The following WDR87 variants were observed in gnomAD, a reference collection of about 807,000 sequenced individuals.
WDR87 encodes the protein WD repeat domain 87.
A neutral mutation model predicts 83.3 loss-of-function variants in WDR87; 56 were observed. The observed-to-expected ratio is 0.67, with a 90% CI of 0.54 to 0.84. The LOEUF (loss-of-function observed/expected upper bound fraction) is 0.84. Ranked by LOEUF, WDR87 falls within the 40% of genes least tolerant of loss-of-function variation. WDR87 has a pLI of 0.00. For synonymous variants in WDR87, 1,173 were observed against 1,250.6 expected, an observed-to-expected ratio of 0.94 and a Z score of 1.31; for missense variants, 2,939 against 3,431.9, an observed-to-expected ratio of 0.86 and a Z score of 3.59.
In WDR87 at chr19:37,885,150, G is replaced by A. The variant is rs531892233; in HGVS notation, c.8521C>T (p.Arg2841Trp). The A allele has an allele frequency of 4.8e-5, 70 of 1,464,044 alleles. No homozygotes were observed. In the South Asian group the frequency reaches 7.6e-4, roughly 16 times the overall value. The allele number at this position is 1,464,044 out of a possible 1,614,324, so 90.7% of individuals were successfully genotyped here. ...CCACAAAACAGGCAGCAGAACAGCCGTTCCCCGGGAACTAGCTCTGTGGCT... is the reference window on the plus strand; with the variant it reads ...CCACAAAACAGGCAGCAGAACAGCCATTCCCCGGGAACTAGCTCTGTGGCT... ...LKATELVPGE[R>W]LFCCLFCGSS... Residue 2841 changes from arginine (R) to tryptophan (W), a missense_variant, in exon 6 of 6, where the codon CGG (arginine) becomes TGG (tryptophan). Arg to Trp is a moderately radical substitution (Grantham distance 101). Coordinates refer to ENST00000447313, the MANE Select transcript of WDR87 (RefSeq NM_001291088.2).
At position 37,888,992 on chromosome 19, in the gene WDR87, C is replaced by T. The variant is rs1209581956; in HGVS notation, c.4679G>A (p.Trp1560Ter). 1 of 1,551,854 alleles carries T rather than the reference C, an allele frequency of 6.4e-7. No homozygotes were observed. The highest frequency in any genetic ancestry group is 2.4e-5 in the East Asian group (1 of 40,922). ...QEDKKLKWEE[W>*]KQVWENMLSS... is the part of the protein sequence containing the mutation. Reference sequence around the variant, plus strand: ...TAACATATTTTCCCAGACTTGTTTCCACTCCTCCCATTTCAGCTTCTTGTC... The same window carrying T: ...TAACATATTTTCCCAGACTTGTTTCTACTCCTCCCATTTCAGCTTCTTGTC... The change falls in exon 6 of 6, where the codon TGG becomes TAG. Residue 1560 changes from tryptophan to a stop codon, truncating the protein, a stop_gained. Transcript: ENST00000447313. LOFTEE classifies it low-confidence loss of function (END_TRUNC).
rs1227815392 is a variant in WDR87, at chr19:37,889,831, T to C, written c.3840A>G (p.Ser1280=). 6.4e-7 allele frequency: 1 copy of C among 1,551,774 alleles called. No homozygotes were observed. The highest frequency in any genetic ancestry group is 2.0e-5 in the Admixed American group (1 of 50,998). The change falls in exon 6 of 6, where the codon TCA becomes TCG. Residue 1280 remains serine, a synonymous_variant. Coordinates refer to ENST00000447313, the MANE Select transcript of WDR87 (RefSeq NM_001291088.2). The part of the protein sequence containing the change: ...GRRSTAGDGS[S]WRDDLCRLMA... Reference sequence around the variant, plus strand: ...TAAGACGACATAGATCGTCCCTCCATGATGAGCCATCTCCAGCGGTTGACC... The same window carrying C: ...TAAGACGACATAGATCGTCCCTCCACGATGAGCCATCTCCAGCGGTTGACC...
At position 37,887,508 on chromosome 19, in the gene WDR87, T is replaced by C. The variant is rs779861188; in HGVS notation, c.6163A>G (p.Ile2055Val). ...FERKLSLEEKILLHEDRILAM... is the reference protein window; with the variant it reads ...FERKLSLEEKVLLHEDRILAM... ...AATATCCTGTCTTCATGTAGCAGTA[T>C]CTTCTCCTCTAGTGACAATTTTCTC... The change falls in exon 6 of 6, where the codon ATA becomes GTA. Residue 2055 changes from isoleucine (I) to valine (V), a missense_variant. By Grantham distance (29) the Ile-to-Val change is conservative. Coordinates refer to ENST00000447313, the MANE Select transcript of WDR87 (RefSeq NM_001291088.2). The C allele has an allele frequency of 1.3e-6, 2 of 1,551,950 alleles. No individual in the cohort carries two copies.
In WDR87 at chr19:37,886,270, T is replaced by C; in HGVS notation, c.7401A>G (p.Lys2467=). The C allele has an allele frequency of 6.4e-7, 1 of 1,551,756 alleles. No individual in the cohort carries two copies. Among genetic ancestry groups the C allele is most frequent in the South Asian group, 1.2e-5 (1 of 84,066 alleles). The part of the protein sequence containing the change: ...KKATVVEIPR[K]FLGTMDKERE... Reference sequence around the variant, plus strand: ...TTTCTTTATCCATTGTCCCTAAGAATTTCCTGGGTATTTCAACTACTGTGG... The same window carrying C: ...TTTCTTTATCCATTGTCCCTAAGAACTTCCTGGGTATTTCAACTACTGTGG... Residue 2467 remains lysine (K), a synonymous_variant, in exon 6 of 6, where the codon AAA becomes AAG. Transcript: ENST00000447313.
rs1270125761 is a variant in WDR87 at position 37,889,858 on chromosome 19, G to C, written c.3813C>G (p.Arg1271=). The C allele has an allele frequency of 3.2e-5, 49 of 1,551,626 alleles. No individual in the cohort carries two copies. Among genetic ancestry groups the C allele is most frequent in the Non-Finnish European group, 4.1e-5 (47 of 1,147,016 alleles). The change falls in exon 6 of 6, where the codon CGC becomes CGG. Residue 1271 remains arginine (R), a synonymous_variant. Coordinates refer to ENST00000447313, the MANE Select transcript of WDR87 (RefSeq NM_001291088.2). ...ATGAGCCATCTCCAGCGGTTGACCT[G>C]CGGCCAGATATTCCAGAGGCTCCCC... is the stretch of plus-strand genomic sequence containing the variant. ...QGRGASGISG[R]RSTAGDGSSW...
Position 37,887,718 on chromosome 19 carries a change from C to T in WDR87, c.5953G>A (p.Gly1985Arg), listed in dbSNP as rs574650192. 2.3e-5 allele frequency: 36 copies of T among 1,552,080 alleles called. 1 individual carries two copies. The South Asian group carries it at 3.9e-4, about 17-fold the overall frequency. ...KLALEKAMVQGKKRLRGELDI... is the reference protein window; with the variant it reads ...KLALEKAMVQRKKRLRGELDI... ...AACTCTCCTCTGAGCCGTTTCTTTC[C>T]TTGGACCATTGCCTTCTCCAGAGCT... Residue 1985 changes from glycine to arginine, a missense_variant, in exon 6 of 6, where the codon GGA (glycine) becomes AGA (arginine). This residue lies in a region of WDR87 where 2,160 missense variants were observed against 2,533.1 expected (regional missense o/e 0.85). Transcript: ENST00000447313.
In WDR87 at chr19:37,894,654, C is replaced by T. The variant is rs986112780; in HGVS notation, c.1049G>A (p.Arg350His). The change falls in exon 4 of 6, where the codon CGC (arginine) becomes CAC (histidine). Residue 350 changes from arginine to histidine, a missense_variant. Arg to His is a conservative substitution (Grantham distance 29, BLOSUM62 0). This residue lies in a region of WDR87 where 553 missense variants were observed against 577.9 expected (regional missense o/e 0.96). Transcript: ENST00000447313. ...CQTAHSFSLH[R>H]LPCFYSLFNV... ...GAAGAGGCTGTAGAAGCAGGGCAGG[C>T]GGTGCAAGGAAAAACTATGGGCAGT... 54 of 1,551,516 alleles carry T rather than the reference C, an allele frequency of 3.5e-5. No individual in the cohort carries two copies. Among genetic ancestry groups the T allele is most frequent in the Admixed American group, 5.9e-5 (3 of 50,970 alleles).
Position 37,895,148 on chromosome 19 carries a change from T to C in WDR87, c.555A>G (p.Gln185=), listed in dbSNP as rs1311804234. 1.3e-6 allele frequency: 2 copies of C among 1,551,708 alleles called. No homozygotes were observed. Among genetic ancestry groups the C allele is most frequent in the East Asian group, 2.4e-5 (1 of 40,914 alleles). Residue 185 remains glutamine (Q), a synonymous_variant, in exon 4 of 6, where the codon CAA becomes CAG. Transcript: ENST00000447313. ...WVIELGGTGL[Q]IAHMVSMPGD... is the part of the protein sequence containing the mutation. The stretch of plus-strand genomic sequence containing the variant: ...CTGGCATGGAGACCATGTGGGCTAT[T>C]TGGAGGCCCGTGCCACCTAGCTCAA...
rs1001945560 is a variant in WDR87 at position 37,889,755 on chromosome 19, C to G, written c.3916G>C (p.Ala1306Pro). The change falls in exon 6 of 6, where the codon GCT becomes CCT. Residue 1306 changes from alanine (A) to proline (P), a missense_variant. By Grantham distance (27) the Ala-to-Pro change is conservative. Transcript: ENST00000447313. ...SQTKMSENLN[A>P]ELVTFAQEML... ...TCCTGAGCAAATGTCACTAGCTCAG[C>G]GTTTAGGTTTTCTGACATTTTTGTT... 6.4e-7 allele frequency: 1 copy of G among 1,551,674 alleles called. No individual in the cohort carries two copies. Among genetic ancestry groups the G allele is most frequent in the African/African-American group, 1.4e-5 (1 of 73,138 alleles).
intron 1 of WDR87, among the ~76,000 whole-genome samples, chr19:37,901,573 A>G (rs2046294019): frequency 6.6e-6 from 1 of 152,232 alleles, no homozygotes; most frequent in African/African-American, 2.4e-5. Flanking sequence ...CACTTCCCAT[A>G]TTCCAAATAG....
At position 37,886,856 on chromosome 19, in the gene WDR87, A is replaced by G. The variant is rs997809532; in HGVS notation, c.6815T>C (p.Leu2272Pro). The change falls in exon 6 of 6, where the codon CTG (leucine) becomes CCG (proline). Residue 2272 changes from leucine to proline, a missense_variant. Leu to Pro is a moderately conservative substitution (Grantham distance 98). Coordinates refer to ENST00000447313, the MANE Select transcript of WDR87 (RefSeq NM_001291088.2). ...EEHFSEEMES[L>P]LDELEKQESL... ...CTCTTGCTTTTCTAGTTCATCTAAC[A>G]GGCTTTCCATTTCTTCAGAAAAATG... 6.4e-7 allele frequency: 1 copy of G among 1,550,906 alleles called. No individual in the cohort carries two copies. The highest frequency in any genetic ancestry group is 8.7e-7 in the Non-Finnish European group (1 of 1,146,892).
chr19:37,895,103 G>A lies in WDR87; in HGVS notation c.600C>T (p.Asp200=). 6.4e-7 allele frequency: 1 copy of A among 1,551,744 alleles called. No homozygotes were observed. Among genetic ancestry groups the A allele is most frequent in the Non-Finnish European group, 8.7e-7 (1 of 1,147,008 alleles). ...AGCCACTGGGACCATTCAGCACGAT[G>A]TCCTGGACAAGCTCATCACCTGGCA... The part of the protein sequence containing the change: ...VSMPGDELVQ[D]IVLNGPSGSL... The change falls in exon 4 of 6, where the codon GAC becomes GAT. Residue 200 remains aspartate, a synonymous_variant. Coordinates refer to ENST00000447313, the MANE Select transcript of WDR87 (RefSeq NM_001291088.2).
rs923487517 is a variant in WDR87, at chr19:37,886,090, C to T, written c.7581G>A (p.Trp2527Ter). The T allele has an allele frequency of 1.4e-5, 22 of 1,551,616 alleles. No homozygotes were observed. The Admixed American group carries it at 3.7e-4, about 26-fold the overall frequency. Residue 2527 changes from tryptophan to a stop codon, truncating the protein, a stop_gained, in exon 6 of 6, where the codon TGG becomes TGA. Coordinates refer to ENST00000447313, the MANE Select transcript of WDR87 (RefSeq NM_001291088.2). LOFTEE classifies it low-confidence loss of function (END_TRUNC). ...EELQHKPLGA[W>*]WKWFLQHPPL... ...GTGGATGCTGCAAAAACCACTTCCA[C>T]CAGGCACCTAGTGGTTTGTGTTGGA...
intron 1 of WDR87, among the ~76,000 whole-genome samples, chr19:37,902,607 C>G (rs2046300134): frequency 6.6e-6 from 1 of 152,214 alleles, no homozygotes. Flanking sequence ...GGGACCAACG[C>G]ATGTTATTCC....
chr19:37,889,080 C>T lies in WDR87; in HGVS notation c.4591G>A (p.Glu1531Lys). 1 of 1,552,146 alleles carries T rather than the reference C, an allele frequency of 6.4e-7. No homozygotes were observed. Among genetic ancestry groups the T allele is most frequent in the Non-Finnish European group, 8.7e-7 (1 of 1,147,094 alleles). Residue 1531 changes from glutamate (E) to lysine (K), a missense_variant, in exon 6 of 6, where the codon GAA (glutamate) becomes AAA (lysine). Glu to Lys is a moderately conservative substitution (Grantham distance 56, BLOSUM62 1). Coordinates refer to ENST00000447313, the MANE Select transcript of WDR87 (RefSeq NM_001291088.2). ...KEEWEKRLLQ[E>K]EEKLHQAGEK... ...CCAGCCTGATGTAGTTTCTCCTCTT[C>T]CTGAAGAAGCCTCTTCTCCCATTCT...
Position 37,894,203 on chromosome 19 carries a change from G to T in WDR87, c.1500C>A (p.Phe500Leu). ...GTGCCAGTACAGCGCCAAAGTGCAT[G>T]AATTTTTCTAATCGAGCACAGCTGT... The part of the protein sequence containing the change: ...SQHSCARLEK[F>L]MHFGAVLALS... Residue 500 changes from phenylalanine (F) to leucine (L), a missense_variant, in exon 4 of 6, where the codon TTC becomes TTA. By Grantham distance (22) the Phe-to-Leu change is conservative. Coordinates refer to ENST00000447313, the MANE Select transcript of WDR87 (RefSeq NM_001291088.2). 1.3e-6 allele frequency: 2 copies of T among 1,552,212 alleles called. No individual in the cohort carries two copies. Among genetic ancestry groups the T allele is most frequent in the Non-Finnish European group, 1.7e-6 (2 of 1,147,120 alleles).
intron 1 of WDR87, among the ~76,000 whole-genome samples, chr19:37,903,701 T>C (rs2046306013): frequency 6.6e-6 from 1 of 152,162 alleles, no homozygotes; most frequent in South Asian, 2.1e-4. Context: ...GGCTAATTTT[T>C]GTACTTTTTG....
intron 1 of WDR87, among the ~76,000 whole-genome samples, chr19:37,899,438 G>GAAAAAAAA (rs1379024297): frequency 7.2e-6 from 1 of 139,602 alleles, no homozygotes. Flanking sequence ...AAAAAAAAAG[G>GAAAAAAAA]AAAAAAAAAG....
intron 4 of WDR87, 89 bp downstream of exon 4, chr19:37,892,489 G>C: frequency 8.2e-7 from 1 of 1,214,386 alleles, no homozygotes; most frequent in Non-Finnish European, 1.1e-6. Context: ...ACATCAGGGA[G>C]AATTAATGAA....
Sources: allele counts gnomAD v4.1 joint callset (sites outside exome capture counted in the v4.1 genomes callset), GRCh38; gene constraint gnomAD v4.1.1; regional missense constraint gnomAD v4.1.1; transcripts MANE v1.5; gene names NCBI Gene and HGNC (gene_info 2026-07-23, HGNC 2026-07-21).